KPNA1: variants seen among roughly 807,000 people sequenced by gnomAD.
The protein encoded by KPNA1 is importin subunit alpha-5.
Under a neutral mutation model 70.5 loss-of-function variants are expected in KPNA1, and 10 were observed. The ratio of observed to expected loss-of-function variants is 0.14; its 90% confidence interval spans 0.09 to 0.24. The LOEUF (loss-of-function observed/expected upper bound fraction) is 0.24. Among genes scored for constraint, KPNA1 ranks in the 10% least tolerant of loss-of-function variants. The pLI, the probability that KPNA1 is intolerant of heterozygous loss-of-function variation, is 1.00. For synonymous variants in KPNA1, 192 were observed against 221.9 expected (o/e 0.87, Z 1.20); for missense variants, 397 against 637.9 (o/e 0.62, Z 4.07).
At chr3:122,474,262 T>A (rs1332691708) in intron 2 of KPNA1, among the ~76,000 whole-genome samples, 1 of 152,200 alleles carries the variant, frequency 6.6e-6, no homozygotes, top group African/African-American at 2.4e-5. Context: ...ATTGGCAAGA[T>A]GTCAGTGCTT....
intron 3 of KPNA1, among the ~76,000 whole-genome samples, chr3:122,465,890 C>A (rs1034205227): frequency 6.6e-6 from 1 of 152,216 alleles, no homozygotes; most frequent in Non-Finnish European, 1.5e-5. Flanking sequence ...TTATAGTGGG[C>A]CAGTGTGCCC....
intron 3 of KPNA1, 143 bp downstream of exon 3, chr3:122,467,179 T>C (rs879835133): frequency 9.5e-6 from 4 of 419,028 alleles, no homozygotes; most frequent in Non-Finnish European, 1.7e-5. Flanking sequence ...AAACATTTAA[T>C]GAACCATGAG....
At chr3:122,445,791 A>T (rs1425038186) in intron 9 of KPNA1, among the ~76,000 whole-genome samples, 1 of 152,206 alleles carries the variant, frequency 6.6e-6, no homozygotes, top group African/African-American at 2.4e-5. Flanking sequence ...ACGTGCAGAG[A>T]CACACATAGG....
chr3:122,497,412 C>T (rs950816125), intron 1 of KPNA1, among the ~76,000 whole-genome samples: 8 of 152,216 alleles, frequency 5.3e-5, no homozygotes, highest in Non-Finnish European at 7.3e-5. Context: ...AAGTTTTACA[C>T]AGATATGTTT....
intron 1 of KPNA1, among the ~76,000 whole-genome samples, chr3:122,503,816 A>G (rs1280299840): frequency 1.3e-5 from 2 of 152,086 alleles, no homozygotes; most frequent in Non-Finnish European, 1.5e-5. Flanking sequence ...TTCCAATTCT[A>G]TTTGTTATAT....
intron 2 of KPNA1, among the ~76,000 whole-genome samples, chr3:122,470,290 A>G (rs1576317424): frequency 6.6e-6 from 1 of 152,072 alleles, no homozygotes; most frequent in Non-Finnish European, 1.5e-5. Context: ...CGGCGGGTGG[A>G]TCATGAGGTC....
intron 1 of KPNA1, among the ~76,000 whole-genome samples, chr3:122,497,693 T>C (rs1266388710): frequency 1.3e-5 from 2 of 152,214 alleles, no homozygotes; most frequent in Non-Finnish European, 2.9e-5. Context: ...ACTTTTCACA[T>C]ACGTATTTGG....
At chr3:122,490,818 A>C (rs1476379956) in intron 2 of KPNA1, among the ~76,000 whole-genome samples, 1 of 152,138 alleles carries the variant, frequency 6.6e-6, no homozygotes, top group African/African-American at 2.4e-5. Context: ...TGATATTACC[A>C]ATTCAAACTT....
chr3:122,455,445 A>G (rs1450976517), intron 5 of KPNA1, among the ~76,000 whole-genome samples: 1 of 152,230 alleles, frequency 6.6e-6, no homozygotes, highest in African/African-American at 2.4e-5. Context: ...ATCATGAAAT[A>G]AAAATTCTTC....
intron 1 of KPNA1, among the ~76,000 whole-genome samples, chr3:122,508,548 C>T (rs2076917135): frequency 6.6e-6 from 1 of 152,146 alleles, no homozygotes; most frequent in African/African-American, 2.4e-5. Context: ...TTATTGATAA[C>T]AGAATTACAT....
intron 1 of KPNA1, among the ~76,000 whole-genome samples, chr3:122,510,702 G>A (rs1051400945): frequency 2.6e-5 from 4 of 152,048 alleles, no homozygotes; most frequent in Non-Finnish European, 4.4e-5. Context: ...GCTATATCAT[G>A]ATATAGCAAT....
chr3:122,512,046 A>C (rs2076960870), intron 1 of KPNA1, among the ~76,000 whole-genome samples: 1 of 152,204 alleles, frequency 6.6e-6, no homozygotes, highest in South Asian at 2.1e-4. Context: ...ATAATGCAAG[A>C]AACAACTGAC....
chr3:122,469,447 T>G (rs983617866), intron 2 of KPNA1, among the ~76,000 whole-genome samples: 1 of 152,244 alleles, frequency 6.6e-6, no homozygotes, highest in African/African-American at 2.4e-5. Flanking sequence ...ATCACTTATG[T>G]CTTTAGATGA....
chr3:122,489,053 CGTGCGT>C (rs1442601696), intron 2 of KPNA1, among the ~76,000 whole-genome samples: 6 of 118,738 alleles, frequency 5.1e-5, no homozygotes, highest in African/African-American at 1.0e-4. Context: ...GGTTTTTTTG[CGTGCGT>C]GTGTGTGTGT....
intron 1 of KPNA1, among the ~76,000 whole-genome samples, chr3:122,503,323 T>C (rs2076851913): frequency 6.6e-6 from 1 of 152,002 alleles, no homozygotes; most frequent in African/African-American, 2.4e-5. Flanking sequence ...AATTGAGAAA[T>C]GTCAATGAAG....
intron 1 of KPNA1, among the ~76,000 whole-genome samples, chr3:122,511,060 T>C (rs1195092211): frequency 6.6e-6 from 1 of 152,114 alleles, no homozygotes; most frequent in Non-Finnish European, 1.5e-5. Flanking sequence ...GTAAGGCGAG[T>C]TACCCAATCA....
rs191463775 is a variant in KPNA1, at chr3:122,459,290, A to G, written c.432+1934T>C. On this transcript the variant is annotated intron_variant, in intron 5 of 13. Coordinates refer to ENST00000344337, the MANE Select transcript of KPNA1 (RefSeq NM_002264.4). ...TTTTTCATTTTAGATCTGAAAGGTT[A>G]TATACCATCTATATTTAATGCATAA... The G allele has an allele frequency of 1.5e-4, 45 of 300,908 alleles. No homozygotes were observed. The Admixed American group carries it at 2.7e-3, about 18-fold the overall frequency. 18.6% of individuals were successfully genotyped at this position (300,908 alleles called of 1,614,324 possible). A position where few individuals can be genotyped will look rare whatever the true frequency, so the allele number is the denominator to read the frequency against.
At chr3:122,491,789 T>C (rs555690335) in intron 2 of KPNA1, among the ~76,000 whole-genome samples, 1 of 115,706 alleles carries the variant, frequency 8.6e-6, no homozygotes, top group South Asian at 2.8e-4. Context: ...ATAATCAATA[T>C]CATTTAATCG....
intron 12 of KPNA1, 83 bp downstream of exon 12, chr3:122,433,578 G>T: frequency 8.8e-7 from 1 of 1,135,318 alleles, no homozygotes; most frequent in Non-Finnish European, 1.2e-6. Flanking sequence ...TTTTACTCTA[G>T]GTAATATGTG....
Sources: allele counts gnomAD v4.1 joint callset (sites outside exome capture counted in the v4.1 genomes callset), GRCh38; gene constraint gnomAD v4.1.1; transcripts MANE v1.5; gene names NCBI Gene and HGNC (gene_info 2026-07-23, HGNC 2026-07-21).